RNF213: variants seen among roughly 807,000 people sequenced by gnomAD.
The protein encoded by RNF213 is E3 ubiquitin-protein ligase RNF213.
A neutral mutation model predicts 514.4 loss-of-function variants in RNF213; 341 were observed. The ratio of observed to expected loss-of-function variants is 0.66; its 90% confidence interval spans 0.61 to 0.73. RNF213 has a LOEUF of 0.73. RNF213 is among the 30% of genes least tolerant of loss of function. The pLI is 0.00. For synonymous variants in RNF213, 2,655 were observed against 2,658.2 expected (o/e 1.00, Z 0.04); for missense variants, 5,767 against 6,615.6 (o/e 0.87, Z 4.45).
chr17:80,290,382 C>T (rs34397069), intron 6 of RNF213, among the ~76,000 whole-genome samples, 188 bp from the exon 7 acceptor site: 34,729 of 148,708 alleles, frequency 0.23, 4,701 homozygotes, highest in African/African-American at 0.39. Context: ...AGTGCGTGCA[C>T]GTGTGTGCGT....
rs547158013 is a variant in RNF213 at position 80,353,655 on chromosome 17, G to A, written c.10567G>A (p.Gly3523Arg). Residue 3523 changes from glycine to arginine, a missense_variant, in exon 34 of 68, where the codon GGA becomes AGA. This residue lies in a region of RNF213 where 919 missense variants were observed against 1,121.0 expected (regional missense o/e 0.82). Transcript: ENST00000582970. This position sits in a 1 kb window ranked among gnomAD's most constrained non-coding sequence, Gnocchi z 5.0. ...EKVGKETSEL[G>R]GSDVSILDTT... ...GGTGGGAAAGGAAACCTCTGAACTC[G>A]GAGGCAGTGATGTAAGTTCTGGTTC... 207 of 1,614,196 alleles carry A rather than the reference G, an allele frequency of 1.3e-4. 5 individuals are homozygous for A. In the South Asian group the frequency reaches 2.1e-3, roughly 17 times the overall value.
chr17:80,298,576 T>C lies in RNF213; in HGVS notation c.2210+58T>C, dbSNP rs1598952831. 3 of 1,593,372 alleles carry C rather than the reference T, an allele frequency of 1.9e-6. No individual in the cohort carries two copies. The East Asian group carries it at 6.7e-5, about 36-fold the overall frequency. On this transcript the variant is annotated intron_variant, in intron 11 of 67. Coordinates refer to ENST00000582970, the MANE Select transcript of RNF213 (RefSeq NM_001256071.3). The stretch of plus-strand genomic sequence containing the variant: ...TCTGGGAAGACTGACTCCTACATTG[T>C]GCACCCGGAGTCCCGGTGGGCTCTG...
intron 46 of RNF213, 121 bp from the exon 47 acceptor site, chr17:80,371,753 T>C (rs1254092708): frequency 1.2e-5 from 8 of 643,534 alleles, no homozygotes; most frequent in Non-Finnish European, 2.3e-5. Flanking sequence ...CACGTATATG[T>C]ATGTATATGT....
At chr17:80,283,452 T>C (rs1194096346) in intron 3 of RNF213, among the ~76,000 whole-genome samples, 1 of 152,222 alleles carries the variant, frequency 6.6e-6, no homozygotes, top group Non-Finnish European at 1.5e-5. Flanking sequence ...GGGTCTCTCC[T>C]GCAGTTGCGT....
chr17:80,380,728 AACTCTCTT>A, intron 55 of RNF213, 95 bp from the exon 56 acceptor site: 1 of 1,335,580 alleles, frequency 7.5e-7, no homozygotes, highest in Admixed American at 1.7e-5. Context: ...CTCTTCACAT[AACTCTCTT>A]CTCAGCCGTA....
rs531156790 is a variant in RNF213, at chr17:80,394,459, GAA to G, written c.*964_*965del. The stretch of plus-strand genomic sequence containing the variant: ...AAACCAGTTATGTTTCGGAAAGAGG[GAA>G]AAGAGTCCCCGAGCCCGGATCTTGT... On this transcript the variant is annotated 3_prime_UTR_variant, in exon 68 of 68. Coordinates refer to ENST00000582970, the MANE Select transcript of RNF213 (RefSeq NM_001256071.3). The G allele has an allele frequency of 2.6e-5, 4 of 152,282 alleles. No homozygotes were observed. The highest frequency in any genetic ancestry group is 4.8e-5 in the African/African-American group (2 of 41,538). The allele number at this position is 152,282 out of a possible 1,614,324, so 9.4% of individuals were successfully genotyped here.
chr17:80,273,198 G>A (rs763485861), intron 2 of RNF213, 43 bp from the exon 3 acceptor site: 378 of 1,601,764 alleles, frequency 2.4e-4, no homozygotes, highest in South Asian at 4.6e-4. Context: ...CCTAACACTC[G>A]CTTCTCTCTG....
chr17:80,320,345 G>T lies in RNF213; in HGVS notation c.3024+1033G>T, dbSNP rs60388544. 11,874 of 152,266 alleles carry T rather than the reference G, an allele frequency of 0.078. 665 individuals are homozygous for T. Among genetic ancestry groups the T allele is most frequent in the African/African-American group, 0.16 (6,548 of 41,478 alleles). The allele number at this position is 152,266 out of a possible 1,614,324, so 9.4% of individuals were successfully genotyped here. A position where few individuals can be genotyped will look rare whatever the true frequency, so the allele number is the denominator to read the frequency against. On this transcript the variant is annotated intron_variant, in intron 17 of 67. Coordinates refer to ENST00000582970, the MANE Select transcript of RNF213 (RefSeq NM_001256071.3). The stretch of plus-strand genomic sequence containing the variant: ...TGAGCATAATGTTTTTTTGTTGTTG[G>T]TGGTGGTGGTTGTTTGTTGTTTTTG...
At chr17:80,299,039 G>A (rs1406515664) in intron 11 of RNF213, among the ~76,000 whole-genome samples, 5 of 152,120 alleles carry the variant, frequency 3.3e-5, no homozygotes, top group African/African-American at 7.2e-5. Context: ...AGAGGCAGCC[G>A]TTGTTAGCAC....
At position 80,386,865 on chromosome 17, in the gene RNF213, C is replaced by T; in HGVS notation, c.14896C>T (p.Gln4966Ter). Residue 4966 changes from glutamine (Q) to a stop codon, truncating the protein, a stop_gained, in exon 63 of 68, where the codon CAG becomes TAG. Transcript: ENST00000582970. LOFTEE classifies it high-confidence loss of function. The part of the protein sequence containing the change: ...IQRQIVSRFL[Q>*]GKPRLSLKGI... ...GCGGCAGATCGTCAGCCGCTTCCTC[C>T]AGGGCAAGCCCCGGCTGAGCCTCAA... 2 of 1,613,542 alleles carry T rather than the reference C, an allele frequency of 1.2e-6. No homozygotes were observed. Among genetic ancestry groups the T allele is most frequent in the Non-Finnish European group, 1.7e-6 (2 of 1,179,930 alleles).
chr17:80,323,379 A>T (rs1406714526), intron 17 of RNF213, among the ~76,000 whole-genome samples: 1 of 152,110 alleles, frequency 6.6e-6, no homozygotes, highest in Non-Finnish European at 1.5e-5. Flanking sequence ...GGTCCCTTGC[A>T]ATTTCATAAG....
chr17:80,392,715 G>A (rs777455300), intron 67 of RNF213, among the ~76,000 whole-genome samples: 72 of 151,592 alleles, frequency 4.7e-4, no homozygotes, highest in African/African-American at 1.7e-3. Flanking sequence ...TCAGCCTCCC[G>A]AGTAGCTGGG....
At chr17:80,321,835 C>T (rs536060028) in intron 17 of RNF213, among the ~76,000 whole-genome samples, 1 of 152,292 alleles carries the variant, frequency 6.6e-6, no homozygotes, top group South Asian at 2.1e-4. Flanking sequence ...AAGCAATTCT[C>T]CTGCCTCAGT....
At chr17:80,310,706 C>T (rs1473921574) in intron 14 of RNF213, among the ~76,000 whole-genome samples, 3 of 152,192 alleles carry the variant, frequency 2.0e-5, no homozygotes, top group African/African-American at 7.2e-5. Flanking sequence ...GCATGTGCCA[C>T]TAAACCCAGC....
intron 11 of RNF213, among the ~76,000 whole-genome samples, chr17:80,305,169 G>A (rs1251514255): frequency 7.0e-6 from 1 of 142,760 alleles, no homozygotes; most frequent in Non-Finnish European, 1.5e-5. Flanking sequence ...ATGAGCCACT[G>A]CACCCAGCAG....
Position 80,290,396 on chromosome 17 carries a change from C to G in RNF213, c.1113-174C>G, listed in dbSNP as rs1274125666. On this transcript the variant is annotated intron_variant, in intron 6 of 67. Coordinates refer to ENST00000582970, the MANE Select transcript of RNF213 (RefSeq NM_001256071.3). Reference sequence around the variant, plus strand: ...GAGTGCGTGCACGTGTGTGCGTGTACGTGTGCTTGTGTGTGTGCGTGTGTG... The same window carrying G: ...GAGTGCGTGCACGTGTGTGCGTGTAGGTGTGCTTGTGTGTGTGCGTGTGTG... 2.1e-5 allele frequency among the ~76,000 whole-genome samples: 3 copies of G among 142,950 alleles called. No homozygotes were observed. The South Asian group carries it at 6.7e-4, about 32-fold the overall frequency. 93.8% of individuals were successfully genotyped at this position (142,950 alleles called of 152,430 possible).
intron 5 of RNF213, 52 bp from the exon 6 acceptor site, chr17:80,289,607 A>AAG (rs1295781329): frequency 3.2e-5 from 50 of 1,580,972 alleles, no homozygotes; most frequent in Non-Finnish European, 3.9e-5. Flanking sequence ...AAAAAAAAAA[A>AAG]AGAAAATGTG....
intron 57 of RNF213, chr17:80,382,704 G>A (rs957146515): frequency 2.8e-6 from 1 of 356,302 alleles, no homozygotes; most frequent in Non-Finnish European, 5.4e-6. Flanking sequence ...TTACTATTGA[G>A]CTCAAGTTCT....
At position 80,345,442 on chromosome 17, in the gene RNF213, C is replaced by G. The variant is rs960526294; in HGVS notation, c.7107C>G (p.Pro2369=). ...VPFNVDFDKL[P]RHKKLERLCL... Reference sequence around the variant, plus strand: ...TCAATGTCGACTTTGATAAACTGCCCAGACACAAGAAACTTGAGAGGCTCT... The same window carrying G: ...TCAATGTCGACTTTGATAAACTGCCGAGACACAAGAAACTTGAGAGGCTCT... The change falls in exon 29 of 68, where the codon CCC becomes CCG. Residue 2369 remains proline, a synonymous_variant. Coordinates refer to ENST00000582970, the MANE Select transcript of RNF213 (RefSeq NM_001256071.3). This position sits in a 1 kb window ranked among gnomAD's most constrained non-coding sequence, Gnocchi z 6.0. 8 of 1,612,650 alleles carry G rather than the reference C, an allele frequency of 5.0e-6. No homozygotes were observed. The highest frequency in any genetic ancestry group is 4.5e-5 in the East Asian group (2 of 44,852).
Sources: allele counts gnomAD v4.1 joint callset (sites outside exome capture counted in the v4.1 genomes callset), GRCh38; gene constraint gnomAD v4.1.1; regional missense constraint gnomAD v4.1.1; non-coding constraint Gnocchi (gnomAD v3.1); transcripts MANE v1.5; gene names NCBI Gene and HGNC (gene_info 2026-07-23, HGNC 2026-07-21).